Variants in GDF3 observed in about 807,000 individuals in gnomAD.
GDF3 encodes the protein growth differentiation factor 3, also known as growth/differentiation factor 3.
In GDF3, 10 loss-of-function variants were observed where a neutral mutation model predicts 10.2. That is an observed-to-expected ratio of 0.98 (90% CI 0.60 to 1.66). The LOEUF (loss-of-function observed/expected upper bound fraction) is 1.66. Ranked by LOEUF, GDF3 falls within the 40% of genes most tolerant of loss-of-function variation. The pLI, the probability that GDF3 is intolerant of heterozygous loss-of-function variation, is 0.00. For synonymous variants in GDF3, 166 were observed against 178.5 expected, an observed-to-expected ratio of 0.93 and a Z score of 0.56; for missense variants, 450 against 438.3, an observed-to-expected ratio of 1.03 and a Z score of -0.24.
chr12:7,690,033 G>C lies in GDF3; in HGVS notation c.940C>G (p.Gln314Glu). The C allele has an allele frequency of 6.2e-7, 1 of 1,614,132 alleles. No individual in the cohort carries two copies. The highest frequency in any genetic ancestry group is 8.5e-7 in the Non-Finnish European group (1 of 1,180,018). Residue 314 changes from glutamine to glutamate, a missense_variant, in exon 2 of 2, where the codon CAA becomes GAA. Transcript: ENST00000329913. ...SLNSSNYAFM[Q>E]ALMHAVDPEI... The stretch of plus-strand genomic sequence containing the variant: ...GGGTCAACGGCATGCATCAGGGCTT[G>C]CATGAAAGCATAATTGGAGCTGTTG...
chr12:7,690,812 A>G (rs1014066896), intron 1 of GDF3, 108 bp from the exon 2 acceptor site: 10 of 714,392 alleles, frequency 1.4e-5, no homozygotes, highest in African/African-American at 3.6e-5. Context: ...GGGCAGGGAA[A>G]GACACAAGCC....
chr12:7,692,738 A>C (rs1592073616), intron 1 of GDF3, among the ~76,000 whole-genome samples: 1 of 151,982 alleles, frequency 6.6e-6, no homozygotes, highest in Non-Finnish European at 1.5e-5. Context: ...TCCTGACCTC[A>C]GGTGATCCGC....
chr12:7,694,208 C>T (rs1349396838), intron 1 of GDF3, among the ~76,000 whole-genome samples: 4 of 151,980 alleles, frequency 2.6e-5, no homozygotes, highest in Non-Finnish European at 5.9e-5. Flanking sequence ...TCAACTCTTG[C>T]AGAATTTTGC....
At chr12:7,694,217 G>A (rs1158479120) in intron 1 of GDF3, among the ~76,000 whole-genome samples, 1 of 152,040 alleles carries the variant, frequency 6.6e-6, no homozygotes, top group East Asian at 1.9e-4. Context: ...GCAGAATTTT[G>A]CAGACGAGAA....
At chr12:7,691,160 A>C (rs917935403) in intron 1 of GDF3, among the ~76,000 whole-genome samples, 26 of 151,970 alleles carry the variant, frequency 1.7e-4, no homozygotes, top group African/African-American at 6.3e-4. Flanking sequence ...AAAAAAAAAA[A>C]AAAAGAAAGC....
chr12:7,692,693 G>A (rs1436056680), intron 1 of GDF3, among the ~76,000 whole-genome samples: 1 of 151,766 alleles, frequency 6.6e-6, no homozygotes, highest in Non-Finnish European at 1.5e-5. Flanking sequence ...TAGTAGAGAC[G>A]GGGTTTCACC....
At chr12:7,694,766 A>T (rs1864165061) in intron 1 of GDF3, among the ~76,000 whole-genome samples, 1 of 152,094 alleles carries the variant, frequency 6.6e-6, no homozygotes, top group African/African-American at 2.4e-5. Flanking sequence ...AGACATGCAG[A>T]TTCTCAACAC....
rs111567817 is a variant in GDF3, at chr12:7,691,534, C to T, written c.269-830G>A. On this transcript the variant is annotated intron_variant, in intron 1 of 1. Transcript: ENST00000329913. Reference sequence around the variant, plus strand: ...CCATCCTGGGCAACATAGTGAAACCCCATCTCTACAAAATAAATAAATAAA... The same window carrying T: ...CCATCCTGGGCAACATAGTGAAACCTCATCTCTACAAAATAAATAAATAAA... Among the ~76,000 whole-genome samples the T allele has an allele frequency of 3.9e-3, 572 of 148,516 alleles. 6 individuals carry two copies. The highest frequency in any genetic ancestry group is 0.014 in the African/African-American group (543 of 40,132).
At chr12:7,691,149 CAAAA>C (rs71038718) in intron 1 of GDF3, among the ~76,000 whole-genome samples, 1 of 120,720 alleles carries the variant, frequency 8.3e-6, no homozygotes, top group Non-Finnish European at 1.7e-5. Context: ...GACTCCGTCT[CAAAA>C]AAAAAAAAAA....
intron 1 of GDF3, among the ~76,000 whole-genome samples, chr12:7,693,746 G>A (rs1864155460): frequency 6.6e-6 from 1 of 151,470 alleles, no homozygotes; most frequent in African/African-American, 2.4e-5. Context: ...AGAAGTTAGA[G>A]ACCAGCCTCA....
At chr12:7,695,440 G>A in intron 1 of GDF3, 21 bp downstream of exon 1, 2 of 1,611,268 alleles carry the variant, frequency 1.2e-6, no homozygotes, top group African/African-American at 2.7e-5. Context: ...TGTTTTTCTG[G>A]ATAACACTCT....
At position 7,690,701 on chromosome 12, in the gene GDF3, A is replaced by G; in HGVS notation, c.272T>C (p.Phe91Ser). The change falls in exon 2 of 2, where the codon TTC (phenylalanine) becomes TCC (serine). Residue 91 changes from phenylalanine to serine, a missense_variant. Phe to Ser is a radical substitution (Grantham distance 155). Transcript: ENST00000329913. ...NVLRFLPDQG[F>S]FLYPKKISQA... ...GGAAATTTTCTTTGGGTAAAGAAAG[A>G]AACCTAGATGGGAAAAGAGACATGT... The G allele has an allele frequency of 6.4e-7, 1 of 1,564,844 alleles. No homozygotes were observed. Among genetic ancestry groups the G allele is most frequent in the African/African-American group, 1.3e-5 (1 of 74,080 alleles).
At chr12:7,692,321 T>G (rs1864140036) in intron 1 of GDF3, among the ~76,000 whole-genome samples, 1 of 151,538 alleles carries the variant, frequency 6.6e-6, no homozygotes, top group Non-Finnish European at 1.5e-5. Context: ...TCCCAGCTAC[T>G]CGGGAGGCTG....
In GDF3 at chr12:7,692,860, C is replaced by T. The variant is rs1324694705; in HGVS notation, c.269-2156G>A. Among the ~76,000 whole-genome samples, 16 of 151,658 alleles carry T rather than the reference C, an allele frequency of 1.1e-4. 1 individual carries two copies. The highest frequency in any genetic ancestry group is 6.6e-4 in the Admixed American group (10 of 15,194). ...GTCTCTCTATGTTGCCTAGGCTTAT[C>T]GAGAACTCCTGAGCTCAAAGGATCC... On this transcript the variant is annotated intron_variant, in intron 1 of 1. Transcript: ENST00000329913.
chr12:7,693,084 A>G (rs1864149110), intron 1 of GDF3, among the ~76,000 whole-genome samples: 1 of 152,188 alleles, frequency 6.6e-6, no homozygotes, highest in Admixed American at 6.5e-5. Context: ...GAAAAGGCCC[A>G]ATACAGTCTA....
At chr12:7,693,859 G>A (rs147278132) in intron 1 of GDF3, among the ~76,000 whole-genome samples, 1 of 152,134 alleles carries the variant, frequency 6.6e-6, no homozygotes, top group African/African-American at 2.4e-5. Flanking sequence ...AGGCTGAGGT[G>A]GGAAGATCGC....
At chr12:7,692,024 T>A (rs7296156) in intron 1 of GDF3, among the ~76,000 whole-genome samples, 80,274 of 149,704 alleles carry the variant, frequency 0.54, 22,913 homozygotes, top group Middle Eastern at 0.65. Context: ...AAAAAATAAA[T>A]AAAAAATAAA....
In GDF3 at chr12:7,690,631, A is replaced by G; in HGVS notation, c.342T>C (p.Ser114=). 2 of 1,609,724 alleles carry G rather than the reference A, an allele frequency of 1.2e-6. No individual in the cohort carries two copies. Among genetic ancestry groups the G allele is most frequent in the South Asian group, 1.1e-5 (1 of 90,328 alleles). The change falls in exon 2 of 2, where the codon TCT becomes TCC. Residue 114 remains serine, a synonymous_variant. Transcript: ENST00000329913. ...CLQKLLYFNL[S]AIKEREQLTL... is the part of the protein sequence containing the mutation. ...TCAACTGTTCCCTTTCTTTGATGGC[A>G]GACAGGTTAAAGTAGAGGAGCTTCT...
chr12:7,693,457 G>A (rs1427137797), intron 1 of GDF3, among the ~76,000 whole-genome samples: 1 of 149,200 alleles, frequency 6.7e-6, no homozygotes, highest in Non-Finnish European at 1.5e-5. Flanking sequence ...GGCTAGGCTG[G>A]TCTCGAACTC....
Sources: allele counts gnomAD v4.1 joint callset (sites outside exome capture counted in the v4.1 genomes callset), GRCh38; gene constraint gnomAD v4.1.1; transcripts MANE v1.5; gene names NCBI Gene and HGNC (gene_info 2026-07-23, HGNC 2026-07-21).